The following ATXN1 variants were observed in gnomAD, a reference collection of about 807,000 sequenced individuals.
ATXN1 encodes ataxin 1, also known as ataxin-1.
ATXN1 carries 8 observed loss-of-function variants against 56.4 expected under a neutral mutation model. That is an observed-to-expected ratio of 0.14 (90% CI 0.08 to 0.26). The LOEUF is 0.26. Ranked by LOEUF, ATXN1 falls within the 10% of genes least tolerant of loss-of-function variation. The pLI, the probability that ATXN1 is intolerant of heterozygous loss-of-function variation, is 1.00. For missense variants in ATXN1, 987 were observed against 1,106.5 expected (o/e 0.89, Z 1.53); for synonymous variants, 514 against 494.6 (o/e 1.04, Z -0.52).
At chr6:16,615,029 C>CA (rs1178933865) in intron 3 of ATXN1, 4 of 150,302 alleles carry the variant, frequency 2.7e-5, no homozygotes, top group Non-Finnish European at 4.4e-5. Flanking sequence ...AAATCCTGAT[C>CA]AAAAAAATTA....
chr6:16,568,694 C>G (rs1482951984), intron 4 of ATXN1, among the ~76,000 whole-genome samples: 2 of 152,012 alleles, frequency 1.3e-5, no homozygotes, highest in African/African-American at 4.8e-5. Flanking sequence ...TCTGCCTCTC[C>G]TATACTTCTC....
chr6:16,510,019 T>G (rs913019291), intron 5 of ATXN1, among the ~76,000 whole-genome samples: 2 of 152,208 alleles, frequency 1.3e-5, no homozygotes, highest in African/African-American at 4.8e-5. Context: ...CTGTGGAAAT[T>G]GGCCTGATCT....
chr6:16,344,854 T>C (rs760785654), intron 6 of ATXN1, among the ~76,000 whole-genome samples: 4 of 152,212 alleles, frequency 2.6e-5, no homozygotes, highest in Non-Finnish European at 5.9e-5. Flanking sequence ...ACTAATACAG[T>C]GGGTCCCCTA....
At chr6:16,579,724 G>C (rs927892513) in intron 4 of ATXN1, among the ~76,000 whole-genome samples, 1 of 151,970 alleles carries the variant, frequency 6.6e-6, no homozygotes, top group African/African-American at 2.4e-5. Context: ...AACAGAGGGG[G>C]AACAGAACAC....
At chr6:16,314,423 T>C (rs1760465342) in intron 7 of ATXN1, among the ~76,000 whole-genome samples, 1 of 152,192 alleles carries the variant, frequency 6.6e-6, no homozygotes, top group Admixed American at 6.5e-5. Flanking sequence ...TGAAATTCCC[T>C]TGGAGAGGAG....
intron 6 of ATXN1, among the ~76,000 whole-genome samples, chr6:16,389,365 GA>G (rs1464381704): frequency 2.0e-5 from 3 of 148,906 alleles, no homozygotes; most frequent in Admixed American, 2.0e-4. Context: ...AAAAAGGAAA[GA>G]AAAAGATGAT....
chr6:16,452,019 G>A lies in ATXN1; in HGVS notation c.-161+33953C>T, dbSNP rs191709526. On this transcript the variant is annotated intron_variant, in intron 6 of 7. Coordinates refer to ENST00000436367, the MANE Select transcript of ATXN1 (RefSeq NM_001128164.2). ...ACTAGGGAAGTCCCCTTAGGCGTCC[G>A]AATGTCAGGCCGTTCTTAGATTGCC... is the stretch of plus-strand genomic sequence containing the variant. 9.2e-5 allele frequency among the ~76,000 whole-genome samples: 14 copies of A among 152,272 alleles called. No homozygotes were observed. In the East Asian group the frequency reaches 1.2e-3, roughly 13 times the overall value.
chr6:16,603,483 G>A (rs938393274), intron 3 of ATXN1, among the ~76,000 whole-genome samples: 2 of 152,108 alleles, frequency 1.3e-5, no homozygotes, highest in Non-Finnish European at 2.9e-5. Context: ...AGTGCTTAGC[G>A]GCCAGAACCT....
chr6:16,567,652 G>C (rs910568853), intron 4 of ATXN1, among the ~76,000 whole-genome samples: 5 of 152,170 alleles, frequency 3.3e-5, no homozygotes, highest in African/African-American at 1.2e-4. Flanking sequence ...CTAACAATGA[G>C]AAATTTTTAC....
In ATXN1 at chr6:16,542,840, A is replaced by G. The variant is rs567101741; in HGVS notation, c.-360-20152T>C. On this transcript the variant is annotated intron_variant, in intron 4 of 7. Transcript: ENST00000436367. ...AAGTCACAGTAAGAGATTAACAACA[A>G]AAACTAATAATAAAATAGAACAATC... Among the ~76,000 whole-genome samples, 3 of 152,294 alleles carry G rather than the reference A, an allele frequency of 2.0e-5. No individual in the cohort carries two copies. The South Asian group carries it at 6.2e-4, about 32-fold the overall frequency.
intron 2 of ATXN1, among the ~76,000 whole-genome samples, chr6:16,670,452 T>C (rs1293026277): frequency 6.6e-6 from 1 of 152,176 alleles, no homozygotes; most frequent in Non-Finnish European, 1.5e-5. Flanking sequence ...ATACAGTACA[T>C]TACTCTCTGC....
chr6:16,484,716 T>C (rs1760506062), intron 6 of ATXN1, among the ~76,000 whole-genome samples: 1 of 152,186 alleles, frequency 6.6e-6, no homozygotes, highest in African/African-American at 2.4e-5. Context: ...TTACTGATTA[T>C]TTAACCCTGA....
At chr6:16,578,565 C>T (rs957873408) in intron 4 of ATXN1, among the ~76,000 whole-genome samples, 1 of 152,176 alleles carries the variant, frequency 6.6e-6, no homozygotes, top group African/African-American at 2.4e-5. Context: ...TTCATCCTTC[C>T]AGAGCCAGCC....
At chr6:16,447,634 G>C (rs1232825498) in intron 6 of ATXN1, among the ~76,000 whole-genome samples, 1 of 152,144 alleles carries the variant, frequency 6.6e-6, no homozygotes, top group Non-Finnish European at 1.5e-5. Context: ...TGGGATTACA[G>C]GTGTGAGCTA....
intron 6 of ATXN1, among the ~76,000 whole-genome samples, chr6:16,450,315 CA>C (rs35952639): frequency 1.3e-5 from 2 of 151,950 alleles, no homozygotes; most frequent in Non-Finnish European, 2.9e-5. Context: ...TTCTTTTTCA[CA>C]TGTTTGGGAG....
At chr6:16,507,675 A>C (rs1330860894) in intron 5 of ATXN1, among the ~76,000 whole-genome samples, 1 of 152,226 alleles carries the variant, frequency 6.6e-6, no homozygotes, top group Non-Finnish European at 1.5e-5. Flanking sequence ...TTGGTCTCTT[A>C]AATAAAGTAG....
At chr6:16,526,175 G>A (rs903670214) in intron 4 of ATXN1, among the ~76,000 whole-genome samples, 12 of 151,378 alleles carry the variant, frequency 7.9e-5, no homozygotes, top group Admixed American at 7.9e-4. Context: ...ATCAATAGAT[G>A]TATCAACATC....
intron 3 of ATXN1, among the ~76,000 whole-genome samples, chr6:16,596,397 A>G (rs182560305): frequency 1.1e-4 from 16 of 152,310 alleles, no homozygotes; most frequent in African/African-American, 3.8e-4. Flanking sequence ...ATAGGGAAAT[A>G]TGTATTTGGA....
At position 16,327,997 on chromosome 6, in the gene ATXN1, G is replaced by C; in HGVS notation, c.314C>G (p.Ala105Gly). 6.2e-7 allele frequency: 1 copy of C among 1,613,624 alleles called. No individual in the cohort carries two copies. The highest frequency in any genetic ancestry group is 1.3e-5 in the African/African-American group (1 of 75,048). ...SVPVATTLPAAYATPQPGTPV... is the reference protein window; with the variant it reads ...SVPVATTLPAGYATPQPGTPV... Reference sequence around the variant, plus strand: ...GGTCCCTGGCTGCGGGGTGGCGTACGCGGCAGGCAGCGTGGTGGCCACGGG... The same window carrying C: ...GGTCCCTGGCTGCGGGGTGGCGTACCCGGCAGGCAGCGTGGTGGCCACGGG... The change falls in exon 7 of 8, where the codon GCG (alanine) becomes GGG (glycine). Residue 105 changes from alanine to glycine, a missense_variant. Ala to Gly is a moderately conservative substitution (Grantham distance 60). Transcript: ENST00000436367.
Sources: allele counts gnomAD v4.1 joint callset (sites outside exome capture counted in the v4.1 genomes callset), GRCh38; gene constraint gnomAD v4.1.1; transcripts MANE v1.5; gene names NCBI Gene and HGNC (gene_info 2026-07-23, HGNC 2026-07-21).